The following METTL6 variants were observed in gnomAD, a reference collection of about 807,000 sequenced individuals.
The protein encoded by METTL6 is methyltransferase 6, tRNA N3-cytidine.
METTL6 carries 22 observed loss-of-function variants against 26.4 expected under a neutral mutation model. The observed-to-expected ratio is 0.83, with a 90% CI of 0.59 to 1.19. The LOEUF (loss-of-function observed/expected upper bound fraction) is 1.19. Among genes scored for constraint, METTL6 ranks in the 50% most tolerant of loss-of-function variants. METTL6 has a pLI of 0.00. For missense variants in METTL6, 304 were observed against 324.8 expected (o/e 0.94, Z 0.49); for synonymous variants, 109 against 116.2 (o/e 0.94, Z 0.40).
At chr3:15,408,188 A>G (rs1310029508), downstream of METTL6, among the ~76,000 whole-genome samples, 1 of 152,136 alleles carries the variant, frequency 6.6e-6, no homozygotes, top group Non-Finnish European at 1.5e-5. Flanking sequence ...AGAATAGAGG[A>G]TATCCTTGTG....
chr3:15,385,080 A>G (rs571725177), intron 6 of METTL6, among the ~76,000 whole-genome samples: 19 of 152,282 alleles, frequency 1.2e-4, no homozygotes, highest in Non-Finnish European at 2.6e-4. Context: ...CCCTCCCCAG[A>G]GAATCATGCC....
At chr3:15,423,629 T>C (rs1242063520) in intron 3 of METTL6, among the ~76,000 whole-genome samples, 2 of 152,024 alleles carry the variant, frequency 1.3e-5, no homozygotes, top group African/African-American at 4.8e-5. Context: ...TCTCAGCACT[T>C]TGGGAGGCTG....
At chr3:15,402,699 G>C (rs1370879224) in intron 6 of METTL6, among the ~76,000 whole-genome samples, 1 of 141,700 alleles carries the variant, frequency 7.1e-6, no homozygotes, top group Non-Finnish European at 1.5e-5. Flanking sequence ...GGGTGCCACT[G>C]TACTCCAGCC....
chr3:15,414,735 C>A, intron 4 of METTL6: 2 of 397,940 alleles, frequency 5.0e-6, no homozygotes, highest in Non-Finnish European at 9.9e-6. Flanking sequence ...CCAACCTGGG[C>A]AATATAGTGA....
downstream of METTL6, among the ~76,000 whole-genome samples, chr3:15,406,589 TATATATATATATA>T (rs1575409004): frequency 2.3e-3 from 7 of 3,028 alleles, no homozygotes; most frequent in Admixed American, 0.017. Context: ...CAAACAGTTA[TATATATATATATA>T]TATATATATA....
At chr3:15,406,463 T>A (rs561332138), downstream of METTL6, among the ~76,000 whole-genome samples, 1 of 151,374 alleles carries the variant, frequency 6.6e-6, no homozygotes, top group East Asian at 1.9e-4. Flanking sequence ...AAAATACTGA[T>A]GGACTGGGTC....
intron 5 of METTL6, among the ~76,000 whole-genome samples, chr3:15,412,665 T>A (rs1391158258): frequency 6.6e-6 from 1 of 151,742 alleles, no homozygotes; most frequent in Non-Finnish European, 1.5e-5. Flanking sequence ...TTTTTTTTTT[T>A]ATTTTTAGTA....
intron 1 of METTL6, 130 bp downstream of exon 1, chr3:15,427,272 T>C (rs1454082725): frequency 5.7e-6 from 1 of 174,052 alleles, no homozygotes; most frequent in African/African-American, 2.4e-5. Flanking sequence ...CTAGGCTGCA[T>C]GGGCCCCTAG....
chr3:15,381,964 TG>T (rs1699091168), exon 7 of METTL6: 2 of 152,134 alleles, frequency 1.3e-5, no homozygotes, highest in Admixed American at 1.3e-4. Flanking sequence ...AGTAGCTTTC[TG>T]AATAGCCACC....
chr3:15,408,127 T>G (rs1699850021), downstream of METTL6, among the ~76,000 whole-genome samples: 2 of 152,206 alleles, frequency 1.3e-5, no homozygotes, highest in African/African-American at 4.8e-5. Flanking sequence ...TAAACTTTTT[T>G]GGGGAGAATT....
chr3:15,394,351 T>C (rs1699429369), intron 6 of METTL6, among the ~76,000 whole-genome samples: 1 of 152,226 alleles, frequency 6.6e-6, no homozygotes, highest in South Asian at 2.1e-4. Context: ...ATATCCCCTT[T>C]ATCATTTTTT....
intron 5 of METTL6, 50 bp downstream of exon 5, chr3:15,413,971 A>G (rs1700079689): frequency 1.9e-6 from 3 of 1,612,176 alleles, no homozygotes; most frequent in Non-Finnish European, 1.7e-6. Flanking sequence ...CAATCAAATA[A>G]ACAGAAACAA....
At chr3:15,395,100 G>A (rs1198706844) in intron 6 of METTL6, among the ~76,000 whole-genome samples, 21 of 152,184 alleles carry the variant, frequency 1.4e-4, no homozygotes, top group Non-Finnish European at 2.5e-4. Flanking sequence ...ACAGTGGGGT[G>A]TTAAAGTCTC....
chr3:15,392,811 A>T (rs1257435172), intron 6 of METTL6, among the ~76,000 whole-genome samples: 3 of 152,118 alleles, frequency 2.0e-5, no homozygotes, highest in African/African-American at 4.8e-5. Flanking sequence ...AGTTGTAGAT[A>T]TGTGGCATTA....
At chr3:15,419,746 C>T (rs2061566146) in intron 3 of METTL6, among the ~76,000 whole-genome samples, 1 of 151,862 alleles carries the variant, frequency 6.6e-6, no homozygotes, top group Non-Finnish European at 1.5e-5. Flanking sequence ...TCATCACAGA[C>T]AAATGTGTAC....
intron 6 of METTL6, among the ~76,000 whole-genome samples, chr3:15,390,216 C>G (rs1368629763): frequency 2.0e-5 from 3 of 151,798 alleles, no homozygotes; most frequent in African/African-American, 7.3e-5. Flanking sequence ...TCACTTGAGG[C>G]CAGGAGTTTG....
At chr3:15,400,370 C>T (rs1212009722) in intron 6 of METTL6, among the ~76,000 whole-genome samples, 1 of 152,150 alleles carries the variant, frequency 6.6e-6, no homozygotes, top group African/African-American at 2.4e-5. Context: ...TTTGTGAGGC[C>T]TCCATGCATA....
chr3:15,386,982 G>T (rs747858721), intron 6 of METTL6, among the ~76,000 whole-genome samples: 2 of 151,982 alleles, frequency 1.3e-5, no homozygotes, highest in African/African-American at 4.8e-5. Context: ...AGCAGAGATG[G>T]GGGGTGGTTC....
chr3:15,383,090 C>G (rs1699113844), exon 7 of METTL6: 1 of 152,146 alleles, frequency 6.6e-6, no homozygotes, highest in Non-Finnish European at 1.5e-5. Flanking sequence ...ATAATGTATA[C>G]TTTGAAGGAG....
Sources: gnomAD v4.1 joint callset for allele counts (sites outside exome capture counted in the v4.1 genomes callset) on GRCh38, gnomAD v4.1.1 for gene constraint, MANE v1.5 for transcripts, NCBI Gene and HGNC (gene_info 2026-07-23, HGNC 2026-07-21) for gene names.